The following NCOA7 variants were observed in gnomAD, a reference collection of about 807,000 sequenced individuals.
The protein encoded by NCOA7 is 140 kDa estrogen receptor-associated protein.
NCOA7 carries 45 observed loss-of-function variants against 104.3 expected under a neutral mutation model. The observed-to-expected ratio is 0.43, with a 90% CI of 0.34 to 0.55. NCOA7 has a LOEUF of 0.55. Among genes scored for constraint, NCOA7 ranks in the 20% least tolerant of loss-of-function variants. The pLI is 0.02. For missense variants in NCOA7, 1,041 were observed against 1,119.7 expected (o/e 0.93, Z 1.00); for synonymous variants, 398 against 402.3 (o/e 0.99, Z 0.13).
At chr6:125,873,182 T>C (rs1783074592) in intron 3 of NCOA7, among the ~76,000 whole-genome samples, 1 of 152,134 alleles carries the variant, frequency 6.6e-6, no homozygotes, top group African/African-American at 2.4e-5. Flanking sequence ...TGGTAGGACC[T>C]CAGACATAGG....
At chr6:125,821,118 C>CA (rs1778133690) in intron 2 of NCOA7, among the ~76,000 whole-genome samples, 1 of 152,092 alleles carries the variant, frequency 6.6e-6, no homozygotes, top group South Asian at 2.1e-4. Flanking sequence ...TTGGGTTTGT[C>CA]AGAGACCTGG....
At chr6:125,842,199 C>T (rs1024744610) in intron 2 of NCOA7, among the ~76,000 whole-genome samples, 5 of 152,238 alleles carry the variant, frequency 3.3e-5, no homozygotes, top group South Asian at 2.1e-4. Flanking sequence ...TAAACTGATT[C>T]GTTTCAGGAT....
intron 2 of NCOA7, among the ~76,000 whole-genome samples, chr6:125,846,510 T>C (rs1389675348): frequency 6.6e-6 from 1 of 152,180 alleles, no homozygotes; most frequent in Non-Finnish European, 1.5e-5. Context: ...GTTTATCATA[T>C]TTCCAATGCA....
chr6:125,920,552 C>T (rs927153597), intron 11 of NCOA7, among the ~76,000 whole-genome samples: 3 of 152,116 alleles, frequency 2.0e-5, no homozygotes, highest in Non-Finnish European at 4.4e-5. Flanking sequence ...CTGGAAAACT[C>T]GTGACTTTAT....
At chr6:125,827,960 G>A (rs1226536139) in intron 2 of NCOA7, among the ~76,000 whole-genome samples, 1 of 152,234 alleles carries the variant, frequency 6.6e-6, no homozygotes. Context: ...AGTTTTGAGA[G>A]AGTATCTCAA....
chr6:125,836,304 C>T (rs1010455543), intron 2 of NCOA7, among the ~76,000 whole-genome samples: 2 of 152,068 alleles, frequency 1.3e-5, no homozygotes, highest in Non-Finnish European at 2.9e-5. Flanking sequence ...TTTGCTGATG[C>T]CATTGTGAAG....
chr6:125,797,389 A>T (rs969188614), intron 1 of NCOA7, among the ~76,000 whole-genome samples: 3 of 152,210 alleles, frequency 2.0e-5, no homozygotes, highest in Non-Finnish European at 4.4e-5. Context: ...TTAACAGAGG[A>T]TTTAGAAAAT....
intron 1 of NCOA7, among the ~76,000 whole-genome samples, chr6:125,784,987 AACAC>A (rs3084325): frequency 0.42 from 62,579 of 148,224 alleles, 14,003 homozygotes; most frequent in East Asian, 0.67. Context: ...GTTGCATATA[AACAC>A]ACACACACAC....
In NCOA7 at chr6:125,930,377, A is replaced by G. The variant is rs1292423906; in HGVS notation, c.*1606A>G. The G allele has an allele frequency of 6.6e-6, 1 of 152,578 alleles. No homozygotes were observed. Among genetic ancestry groups the G allele is most frequent in the African/African-American group, 2.4e-5 (1 of 41,434 alleles). 9.5% of individuals were successfully genotyped at this position (152,578 alleles called of 1,614,324 possible). A position where few individuals can be genotyped will look rare whatever the true frequency, so the allele number is the denominator to read the frequency against. ...CTTAAAAATAATAACAATAATAATA[A>G]TAATAAAGACTTACTTAACCAATAT... is the stretch of plus-strand genomic sequence containing the variant. On this transcript the variant is annotated 3_prime_UTR_variant, in exon 16 of 16. Coordinates refer to ENST00000392477, the MANE Select transcript of NCOA7 (RefSeq NM_181782.5).
At chr6:125,832,557 C>G (rs1779277180) in intron 2 of NCOA7, among the ~76,000 whole-genome samples, 1 of 152,118 alleles carries the variant, frequency 6.6e-6, no homozygotes, top group South Asian at 2.1e-4. Context: ...AGTTTGCAGC[C>G]TGGATAGAGG....
At chr6:125,796,323 TTC>T (rs1775324552) in intron 1 of NCOA7, among the ~76,000 whole-genome samples, 1 of 119,190 alleles carries the variant, frequency 8.4e-6, no homozygotes, top group Admixed American at 8.0e-5. Flanking sequence ...TTCATCCTTC[TTC>T]TCTCCCCACC....
At chr6:125,827,189 A>C (rs983868532) in intron 2 of NCOA7, among the ~76,000 whole-genome samples, 1 of 19,038 alleles carries the variant, frequency 5.3e-5, no homozygotes, top group Non-Finnish European at 1.4e-4. Flanking sequence ...ACTCCATCTC[A>C]AAAAAAAAAA....
intron 8 of NCOA7, among the ~76,000 whole-genome samples, chr6:125,886,922 C>A (rs902005964): frequency 6.6e-6 from 1 of 152,212 alleles, no homozygotes; most frequent in African/African-American, 2.4e-5. Context: ...ACGTGCAGGA[C>A]GTTTTGTAGC....
chr6:125,896,026 TATATA>T (rs1449356666), intron 10 of NCOA7, among the ~76,000 whole-genome samples: 1 of 148,096 alleles, frequency 6.8e-6, no homozygotes, highest in Non-Finnish European at 1.5e-5. Context: ...ATATATATAT[TATATA>T]ATACATATAT....
intron 10 of NCOA7, among the ~76,000 whole-genome samples, chr6:125,891,591 C>A (rs1784626824): frequency 6.6e-6 from 1 of 152,184 alleles, no homozygotes; most frequent in Non-Finnish European, 1.5e-5. Context: ...GCCAGATATT[C>A]TGGCTAACAC....
chr6:125,853,162 T>G (rs1195795276), intron 2 of NCOA7, among the ~76,000 whole-genome samples: 2 of 152,112 alleles, frequency 1.3e-5, no homozygotes, highest in African/African-American at 4.8e-5. Flanking sequence ...TTTGTTCTCT[T>G]TCTTTTTTCT....
intron 3 of NCOA7, among the ~76,000 whole-genome samples, chr6:125,871,722 G>T (rs756198719): frequency 6.6e-6 from 1 of 152,170 alleles, no homozygotes; most frequent in Non-Finnish European, 1.5e-5. Context: ...AAGGCCAGGT[G>T]CAGTGGCTCC....
At chr6:125,832,859 C>T (rs1160712174) in intron 2 of NCOA7, among the ~76,000 whole-genome samples, 1 of 152,212 alleles carries the variant, frequency 6.6e-6, no homozygotes, top group Non-Finnish European at 1.5e-5. Flanking sequence ...TCTGCAGCCT[C>T]GGCTGCTCCA....
At chr6:125,860,608 C>T (rs866683680) in intron 3 of NCOA7, among the ~76,000 whole-genome samples, 21 of 152,248 alleles carry the variant, frequency 1.4e-4, no homozygotes, top group African/African-American at 5.1e-4. Context: ...TCGGCCTCCC[C>T]AAGTGCTGGG....
Sources: allele counts gnomAD v4.1 joint callset (sites outside exome capture counted in the v4.1 genomes callset), GRCh38; gene constraint gnomAD v4.1.1; transcripts MANE v1.5; gene names NCBI Gene and HGNC (gene_info 2026-07-23, HGNC 2026-07-21).